The following CPAMD8 variants were observed in gnomAD, a reference collection of about 807,000 sequenced individuals.
CPAMD8 encodes the protein C3 and PZP-like alpha-2-macroglobulin domain-containing protein 8.
CPAMD8 carries 146 observed loss-of-function variants against 224.7 expected under a neutral mutation model. The observed-to-expected ratio is 0.65, with a 90% CI of 0.57 to 0.75. The LOEUF is 0.75. CPAMD8 is among the 30% of genes least tolerant of loss of function. The pLI is 0.00. For synonymous variants in CPAMD8, 966 were observed against 1,044.6 expected, an observed-to-expected ratio of 0.92 and a Z score of 1.45; for missense variants, 2,301 against 2,537.5, an observed-to-expected ratio of 0.91 and a Z score of 2.00.
At chr19:16,915,997 C>T (rs374379341) in intron 27 of CPAMD8, among the ~76,000 whole-genome samples, 3 of 150,262 alleles carry the variant, frequency 2.0e-5, no homozygotes, top group African/African-American at 4.9e-5. Context: ...CCCTCCCTCC[C>T]TTCCTCTCTC....
intron 27 of CPAMD8, among the ~76,000 whole-genome samples, chr19:16,919,081 T>C (rs2053071839): frequency 6.6e-6 from 1 of 151,940 alleles, no homozygotes; most frequent in South Asian, 2.1e-4. Context: ...CAGGTGCCTA[T>C]AGTCCCAGCT....
intron 22 of CPAMD8, among the ~76,000 whole-genome samples, chr19:16,939,685 T>TA (rs1417525034): frequency 6.6e-6 from 1 of 152,118 alleles, no homozygotes; most frequent in Non-Finnish European, 1.5e-5. Context: ...TCCAAGCTGT[T>TA]AAACGTCTCC....
chr19:16,910,246 C>T (rs554981177), intron 29 of CPAMD8, among the ~76,000 whole-genome samples: 41 of 145,638 alleles, frequency 2.8e-4, no homozygotes, highest in Non-Finnish European at 5.1e-4. Context: ...CTCAGCTCAC[C>T]GCAATCTCCG....
chr19:16,993,228 T>A (rs1339798936), intron 12 of CPAMD8, among the ~76,000 whole-genome samples, 188 bp downstream of exon 12: 1 of 152,186 alleles, frequency 6.6e-6, no homozygotes, highest in African/African-American at 2.4e-5. Flanking sequence ...GGCACCCTTA[T>A]CTCTCTTTGA....
rs371274944 is a variant in CPAMD8 at position 17,011,406 on chromosome 19, G to A, written c.486+58C>T. On this transcript the variant is annotated intron_variant, in intron 5 of 41. Transcript: ENST00000443236. ...AAGACCCGTTTCCGATGGTGGCCCT[G>A]GCCAGGTAGTCCCAAGTGGGTGCAC... 44 of 1,580,138 alleles carry A rather than the reference G, an allele frequency of 2.8e-5. No homozygotes were observed. In the Middle Eastern group the frequency reaches 5.0e-4, roughly 18 times the overall value.
At chr19:16,987,311 T>C (rs2055779928) in intron 13 of CPAMD8, among the ~76,000 whole-genome samples, 1 of 150,546 alleles carries the variant, frequency 6.6e-6, no homozygotes, top group Non-Finnish European at 1.5e-5. Context: ...AGGTTTGAAC[T>C]GCCCACAACA....
chr19:16,896,056 G>A, intron 41 of CPAMD8, 120 bp downstream of exon 41: 1 of 1,125,154 alleles, frequency 8.9e-7, no homozygotes, highest in Non-Finnish European at 1.3e-6. Flanking sequence ...CCCACTGCCA[G>A]TGGGGGGTCG....
At chr19:17,002,143 G>A (rs2056345745) in intron 9 of CPAMD8, 123 bp downstream of exon 9, 2 of 650,162 alleles carry the variant, frequency 3.1e-6, no homozygotes, top group Non-Finnish European at 5.5e-6. Flanking sequence ...CAGGAAGGGA[G>A]GGGCACACCC....
rs2052119482 is a variant in CPAMD8 at position 16,898,429 on chromosome 19, A to G, written c.4849-435T>C. Among the ~76,000 whole-genome samples, 1 of 151,890 alleles carries G rather than the reference A, an allele frequency of 6.6e-6. No individual in the cohort carries two copies. The highest frequency in any genetic ancestry group is 1.5e-5 in the Non-Finnish European group (1 of 67,956). On this transcript the variant is annotated intron_variant, in intron 37 of 41. Transcript: ENST00000443236. This position sits in a 1 kb window ranked among gnomAD's most constrained non-coding sequence, Gnocchi z 4.2. Reference sequence around the variant, plus strand: ...TTTATTCTTTGGGTCCTTCCATCCCACTGGGAAAACGTCTCAGGTGGCCTC... The same window carrying G: ...TTTATTCTTTGGGTCCTTCCATCCCGCTGGGAAAACGTCTCAGGTGGCCTC...
At chr19:16,911,014 T>C (rs1159614469) in intron 29 of CPAMD8, among the ~76,000 whole-genome samples, 1 of 152,204 alleles carries the variant, frequency 6.6e-6, no homozygotes, top group Non-Finnish European at 1.5e-5. Flanking sequence ...TGTATTTCTG[T>C]TGTTTTAAGC....
intron 14 of CPAMD8, 68 bp downstream of exon 14, chr19:16,980,429 G>A: frequency 6.7e-7 from 1 of 1,488,408 alleles, no homozygotes; most frequent in Non-Finnish European, 9.2e-7. Context: ...CTCCTTGCAG[G>A]AGCACCCATC....
chr19:17,020,523 G>C (rs145630706), intron 2 of CPAMD8, among the ~76,000 whole-genome samples, 170 bp from the exon 3 acceptor site: 1 of 152,152 alleles, frequency 6.6e-6, no homozygotes. Flanking sequence ...ACTGGCAGAA[G>C]CCAGAGGTTT....
At chr19:16,958,011 G>T in intron 18 of CPAMD8, 96 bp from the exon 19 acceptor site, 1 of 1,139,972 alleles carries the variant, frequency 8.8e-7, no homozygotes, top group Non-Finnish European at 1.3e-6. Context: ...CAGATATAAC[G>T]CGTTAATTTC....
intron 41 of CPAMD8, chr19:16,895,887 G>T (rs1487072634): frequency 1.1e-5 from 6 of 531,068 alleles, no homozygotes; most frequent in African/African-American, 1.1e-4. Flanking sequence ...ACCCGTATGC[G>T]CGCGCGCGCG....
At chr19:17,024,057 T>C (rs1430071166) in intron 1 of CPAMD8, among the ~76,000 whole-genome samples, 1 of 152,220 alleles carries the variant, frequency 6.6e-6, no homozygotes, top group Non-Finnish European at 1.5e-5. Context: ...ATGCTTAGAT[T>C]AGGCAAAGAT....
chr19:17,019,305 T>A (rs2056892911), intron 3 of CPAMD8, among the ~76,000 whole-genome samples: 1 of 151,970 alleles, frequency 6.6e-6, no homozygotes, highest in South Asian at 2.1e-4. Flanking sequence ...GTATTTTTAG[T>A]AGAGATGGGG....
chr19:16,967,489 T>A (rs867332475), intron 18 of CPAMD8, among the ~76,000 whole-genome samples: 93 of 152,022 alleles, frequency 6.1e-4, no homozygotes, highest in Admixed American at 3.1e-3. Context: ...TATAATTTTT[T>A]AAAAAAAGAA....
At chr19:16,953,164 T>C (rs1384664105) in intron 19 of CPAMD8, among the ~76,000 whole-genome samples, 1 of 152,084 alleles carries the variant, frequency 6.6e-6, no homozygotes, top group South Asian at 2.1e-4. Context: ...AACATCCATA[T>C]GCAAAAGAAT....
chr19:17,007,447 G>A (rs1249908875), intron 7 of CPAMD8, among the ~76,000 whole-genome samples: 1 of 151,832 alleles, frequency 6.6e-6, no homozygotes, highest in Admixed American at 6.6e-5. Flanking sequence ...GAGGAAAGAA[G>A]AAGGAAGATC....
Sources: allele counts gnomAD v4.1 joint callset (sites outside exome capture counted in the v4.1 genomes callset), GRCh38; gene constraint gnomAD v4.1.1; non-coding constraint Gnocchi (gnomAD v3.1); transcripts MANE v1.5; gene names NCBI Gene and HGNC (gene_info 2026-07-23, HGNC 2026-07-21).